The following ODR4 variants were observed in gnomAD, a reference collection of about 807,000 sequenced individuals.
The protein encoded by ODR4 is protein odr-4 homolog.
In ODR4, 47 loss-of-function variants were observed where a neutral mutation model predicts 60.2. That is an observed-to-expected ratio of 0.78 (90% confidence interval 0.62 to 1.00). The LOEUF is 1.00. ODR4 is among the 50% of genes least tolerant of loss of function. The pLI, the probability that ODR4 is intolerant of heterozygous loss-of-function variation, is 0.00. For missense variants in ODR4, 488 were observed against 530.8 expected (o/e 0.92, Z 0.79); for synonymous variants, 178 against 175.5 (o/e 1.01, Z -0.11).
intron 1 of ODR4, among the ~76,000 whole-genome samples, chr1:186,377,936 T>C (rs1659852450): frequency 6.6e-6 from 1 of 151,964 alleles, no homozygotes. Context: ...TCCCAGCTAC[T>C]TGGGAGGCTG....
chr1:186,425,817 C>T (rs1558110762), downstream of ODR4, among the ~76,000 whole-genome samples: 1 of 152,120 alleles, frequency 6.6e-6, no homozygotes, highest in Non-Finnish European at 1.5e-5. Flanking sequence ...TTGATCTTTG[C>T]CATAAGGTGA....
chr1:186,398,246 A>G, intron 9 of ODR4, 67 bp from the exon 10 acceptor site: 1 of 1,362,334 alleles, frequency 7.3e-7, no homozygotes, highest in Non-Finnish European at 9.7e-7. Flanking sequence ...CGCTAATATA[A>G]TGTTTAAATA....
chr1:186,413,832 A>G (rs934309535), intron 12 of ODR4, among the ~76,000 whole-genome samples: 2 of 152,222 alleles, frequency 1.3e-5, no homozygotes, highest in Non-Finnish European at 2.9e-5. Flanking sequence ...AAGCTTCTAA[A>G]TAGTTCTGCC....
At chr1:186,408,568 C>T (rs1661256233) in intron 12 of ODR4, among the ~76,000 whole-genome samples, 1 of 148,816 alleles carries the variant, frequency 6.7e-6, no homozygotes, top group African/African-American at 2.5e-5. Context: ...GTAATATAAA[C>T]AATTTGTGTA....
intron 10 of ODR4, 22 bp downstream of exon 10, chr1:186,398,463 A>G (rs749489750): frequency 1.3e-6 from 2 of 1,579,078 alleles, no homozygotes; most frequent in Non-Finnish European, 1.7e-6. Context: ...AATAACGAGC[A>G]TATGGAACCA....
chr1:186,418,415 C>T (rs916733195), intron 13 of ODR4, among the ~76,000 whole-genome samples: 21 of 151,704 alleles, frequency 1.4e-4, no homozygotes, highest in African/African-American at 5.1e-4. Context: ...CTCAGCCTCC[C>T]GAGTAGCTGG....
chr1:186,388,393 T>A (rs773854926), intron 4 of ODR4, 49 bp from the exon 5 acceptor site: 1 of 1,059,780 alleles, frequency 9.4e-7, no homozygotes, highest in Non-Finnish European at 1.3e-6. Context: ...AACACTCATC[T>A]TTTTTTTTCA....
the ODR4 span, among the ~76,000 whole-genome samples, chr1:186,428,239 T>C: frequency 2.6e-5 from 4 of 152,238 alleles, no homozygotes; most frequent in Non-Finnish European, 5.9e-5. Flanking sequence ...GCCACCTTCA[T>C]TGGTTATCTT....
At chr1:186,391,852 CT>C in intron 8 of ODR4, 61 bp downstream of exon 8, 1 of 1,032,010 alleles carries the variant, frequency 9.7e-7, no homozygotes, top group Non-Finnish European at 1.5e-6. Flanking sequence ...TAAAACATGA[CT>C]TATTTTTAGT....
At chr1:186,413,666 A>T (rs546570790) in intron 12 of ODR4, among the ~76,000 whole-genome samples, 2 of 152,162 alleles carry the variant, frequency 1.3e-5, no homozygotes, top group African/African-American at 4.8e-5. Context: ...AATTTTTGTC[A>T]TTTGGTTAAA....
intron 13 of ODR4, 131 bp downstream of exon 13, chr1:186,417,785 T>C: frequency 1.7e-6 from 1 of 602,392 alleles, no homozygotes; most frequent in Non-Finnish European, 3.0e-6. Context: ...TTGGGTATTA[T>C]GGAAAGTACC....
Position 186,419,008 on chromosome 1 carries a change from G to A in ODR4, c.1298-1G>A. On this transcript the variant is annotated splice_acceptor_variant, in intron 13 of 13. Coordinates refer to ENST00000287859, the MANE Select transcript of ODR4 (RefSeq NM_017847.6). LOFTEE classifies it high-confidence loss of function. ...TTGTTCTGTGTTTGTTTTACTTTTA[G>A]GTGTGATTGCAGCATTTACAGTTGC... 6.2e-7 allele frequency: 1 copy of A among 1,604,192 alleles called. No homozygotes were observed. Among genetic ancestry groups the A allele is most frequent in the Non-Finnish European group, 8.5e-7 (1 of 1,174,774 alleles).
the ODR4 span, among the ~76,000 whole-genome samples, chr1:186,434,186 T>A: frequency 6.6e-6 from 1 of 152,118 alleles, no homozygotes; most frequent in South Asian, 2.1e-4. Context: ...TATCTAATAA[T>A]GCTTTTTCTC....
In ODR4 at chr1:186,420,174, A is replaced by G. The variant is rs913490139; in HGVS notation, c.*1098A>G. 6.6e-6 allele frequency: 1 copy of G among 152,252 alleles called. No individual in the cohort carries two copies. The highest frequency in any genetic ancestry group is 1.5e-5 in the Non-Finnish European group (1 of 68,042). 9.4% of individuals were successfully genotyped at this position (152,252 alleles called of 1,614,324 possible). A position where few individuals can be genotyped will look rare whatever the true frequency, so the allele number is the denominator to read the frequency against. ...ATGAACGCATTTTAAGTTAGGAGTCATGAATACTGTATTGACCATACAAGT... is the reference window on the plus strand; with the variant it reads ...ATGAACGCATTTTAAGTTAGGAGTCGTGAATACTGTATTGACCATACAAGT... On this transcript the variant is annotated 3_prime_UTR_variant, in exon 14 of 14. Coordinates refer to ENST00000287859, the MANE Select transcript of ODR4 (RefSeq NM_017847.6).
intron 2 of ODR4, among the ~76,000 whole-genome samples, chr1:186,380,256 G>A (rs983895906): frequency 1.3e-5 from 2 of 152,104 alleles, no homozygotes; most frequent in African/African-American, 4.8e-5. Flanking sequence ...TACAAAAGAA[G>A]CTTTTGAAAA....
At position 186,391,590 on chromosome 1, in the gene ODR4, A is replaced by G; in HGVS notation, c.616-106A>G. ...TTTAAATGCTGCAGTAATGAGATTT[A>G]GGGATTTTAATATTTCAATTTATTA... On this transcript the variant is annotated intron_variant, in intron 7 of 13. Transcript: ENST00000287859. 6.7e-6 allele frequency: 5 copies of G among 745,122 alleles called. No individual in the cohort carries two copies. The East Asian group carries it at 1.4e-4, about 21-fold the overall frequency. The allele number at this position is 745,122 out of a possible 1,614,324, so 46.2% of individuals were successfully genotyped here.
intron 1 of ODR4, among the ~76,000 whole-genome samples, chr1:186,377,862 G>A (rs746574388): frequency 3.2e-4 from 48 of 152,114 alleles, no homozygotes; most frequent in Non-Finnish European, 5.6e-4. Context: ...TGGCTAACAC[G>A]GTGAAACCCC....
intron 12 of ODR4, among the ~76,000 whole-genome samples, chr1:186,414,237 A>G (rs527420780): frequency 6.6e-5 from 10 of 152,270 alleles, no homozygotes; most frequent in Admixed American, 2.0e-4. Flanking sequence ...ATGATTTTGT[A>G]TGACAGATTT....
intron 13 of ODR4, among the ~76,000 whole-genome samples, chr1:186,418,047 T>G (rs1661638982): frequency 6.6e-6 from 1 of 152,202 alleles, no homozygotes; most frequent in Non-Finnish European, 1.5e-5. Flanking sequence ...ATTTTTATAT[T>G]TTAAAGGCTC....
Sources: gnomAD v4.1 joint callset for allele counts (sites outside exome capture counted in the v4.1 genomes callset) on GRCh38, gnomAD v4.1.1 for gene constraint, MANE v1.5 for transcripts, NCBI Gene and HGNC (gene_info 2026-07-23, HGNC 2026-07-21) for gene names.